Variants in RORA observed in about 807,000 individuals in gnomAD.
The protein encoded by RORA is nuclear receptor ROR-alpha.
A neutral mutation model predicts 69.5 loss-of-function variants in RORA; 7 were observed. The observed-to-expected ratio is 0.10, with a 90% CI of 0.06 to 0.19. RORA has a LOEUF of 0.19. RORA is among the 10% of genes least tolerant of loss of function. The pLI is 1.00. For missense variants in RORA, 457 were observed against 663.0 expected (o/e 0.69, Z 3.41); for synonymous variants, 261 against 240.8 (o/e 1.08, Z -0.78).
In RORA at chr15:61,170,445, G is replaced by A. The variant is rs563446031; in HGVS notation, c.166+58608C>T. Among the ~76,000 whole-genome samples the A allele has an allele frequency of 3.5e-4, 53 of 152,050 alleles. No homozygotes were observed. The South Asian group carries it at 9.6e-3, about 28-fold the overall frequency. On this transcript the variant is annotated intron_variant, in intron 1 of 10. Coordinates refer to ENST00000335670, the MANE Select transcript of RORA (RefSeq NM_134261.3). Reference sequence around the variant, plus strand: ...TTCTTTCACTCTGACTCTCCTGCCCGCCTCTTATAAGGACCTGTAATTACA... The same window carrying A: ...TTCTTTCACTCTGACTCTCCTGCCCACCTCTTATAAGGACCTGTAATTACA...
At chr15:60,613,313 G>C (rs926622443) in intron 2 of RORA, among the ~76,000 whole-genome samples, 1 of 151,994 alleles carries the variant, frequency 6.6e-6, no homozygotes, top group Non-Finnish European at 1.5e-5. Flanking sequence ...CCTTCTCTTT[G>C]TTACATTTTC....
At chr15:60,694,428 T>C in intron 1 of RORA, among the ~76,000 whole-genome samples, 1 of 152,224 alleles carries the variant, frequency 6.6e-6, no homozygotes, top group South Asian at 2.1e-4. Flanking sequence ...CTTGCAGCGT[T>C]AACTCTTTCA....
chr15:60,702,062 T>C (rs1009975479), intron 1 of RORA, among the ~76,000 whole-genome samples: 2 of 152,174 alleles, frequency 1.3e-5, no homozygotes, highest in African/African-American at 4.8e-5. Context: ...AGTTTAGGAT[T>C]ATAGCTGAGA....
At chr15:61,042,862 A>G (rs1896848123) in intron 1 of RORA, among the ~76,000 whole-genome samples, 1 of 152,226 alleles carries the variant, frequency 6.6e-6, no homozygotes, top group Admixed American at 6.5e-5. Context: ...GGAAATAGAA[A>G]CAGTAGCAAA....
chr15:61,121,694 T>C (rs955981610), intron 1 of RORA, among the ~76,000 whole-genome samples: 3 of 151,966 alleles, frequency 2.0e-5, no homozygotes, highest in Admixed American at 1.3e-4. Flanking sequence ...ATATTCTTCA[T>C]GAGCAGGTAA....
chr15:61,192,816 C>G (rs2079812844), intron 1 of RORA, among the ~76,000 whole-genome samples: 1 of 152,196 alleles, frequency 6.6e-6, no homozygotes, highest in South Asian at 2.1e-4. Flanking sequence ...CAGTGAGACC[C>G]TTAACATCTC....
intron 1 of RORA, among the ~76,000 whole-genome samples, chr15:61,033,726 T>C (rs555077824): frequency 9.2e-5 from 14 of 152,130 alleles, no homozygotes; most frequent in African/African-American, 2.9e-4. Context: ...GTAAAGTGCA[T>C]ACATACACCA....
chr15:60,805,753 G>T lies in RORA; in HGVS notation c.167-127067C>A, dbSNP rs184635998. ...AAAAAGAGCCTTGGATTCCAGTCCT[G>T]GTTTTGCCACTGGCCAGATGAGGCA... On this transcript the variant is annotated intron_variant, in intron 1 of 10. Transcript: ENST00000335670. 3.7e-3 allele frequency among the ~76,000 whole-genome samples: 566 copies of T among 152,278 alleles called. 5 individuals are homozygous for T. Among genetic ancestry groups the T allele is most frequent in the African/African-American group, 0.013 (541 of 41,552 alleles).
At chr15:60,630,063 A>G (rs2069699105) in intron 2 of RORA, among the ~76,000 whole-genome samples, 1 of 152,244 alleles carries the variant, frequency 6.6e-6, no homozygotes, top group Non-Finnish European at 1.5e-5. Context: ...AAAAATGGAC[A>G]GCCATCACAT....
intron 2 of RORA, among the ~76,000 whole-genome samples, chr15:60,625,278 T>G (rs1201554494): frequency 6.6e-6 from 1 of 152,196 alleles, no homozygotes; most frequent in South Asian, 2.1e-4. Context: ...CAAATCTTTT[T>G]TTTTGTTTTG....
chr15:61,090,527 G>A (rs2078690070), intron 1 of RORA, among the ~76,000 whole-genome samples: 1 of 152,174 alleles, frequency 6.6e-6, no homozygotes, highest in Admixed American at 6.5e-5. Flanking sequence ...GGGAATGCTT[G>A]CCCATTAACT....
intron 1 of RORA, among the ~76,000 whole-genome samples, chr15:60,679,522 G>A (rs2070609859): frequency 6.6e-6 from 1 of 152,098 alleles, no homozygotes; most frequent in Non-Finnish European, 1.5e-5. Context: ...CTTGGGAGAC[G>A]TTCTTGAGAC....
intron 1 of RORA, among the ~76,000 whole-genome samples, chr15:60,969,839 C>A (rs528202366): frequency 8.5e-5 from 13 of 152,306 alleles, no homozygotes; most frequent in African/African-American, 2.9e-4. Flanking sequence ...GTGTTCCCTT[C>A]CAAATTTATA....
intron 1 of RORA, among the ~76,000 whole-genome samples, chr15:61,217,999 T>C (rs889197991): frequency 6.6e-6 from 1 of 152,148 alleles, no homozygotes; most frequent in African/African-American, 2.4e-5. Flanking sequence ...TGCTGGGCCA[T>C]GGTCCCCCAG....
intron 1 of RORA, among the ~76,000 whole-genome samples, chr15:61,212,766 T>G (rs960944445): frequency 6.6e-6 from 1 of 152,110 alleles, no homozygotes; most frequent in Admixed American, 6.5e-5. Flanking sequence ...AGACTTTTCT[T>G]TGTCATCGTA....
At chr15:61,048,216 T>C (rs1897128569) in intron 1 of RORA, among the ~76,000 whole-genome samples, 1 of 152,206 alleles carries the variant, frequency 6.6e-6, no homozygotes, top group Admixed American at 6.5e-5. Context: ...GTGTTACTGA[T>C]GAAATTATAT....
chr15:61,074,784 GT>G (rs549197983), intron 1 of RORA, among the ~76,000 whole-genome samples: 33 of 152,272 alleles, frequency 2.2e-4, no homozygotes, highest in African/African-American at 7.9e-4. Flanking sequence ...GCCATGGGAT[GT>G]TTTAAAGTTT....
intron 2 of RORA, among the ~76,000 whole-genome samples, chr15:60,658,291 G>C (rs1325627336): frequency 6.6e-6 from 1 of 152,140 alleles, no homozygotes; most frequent in Non-Finnish European, 1.5e-5. Flanking sequence ...CTGACCTCAA[G>C]TGATCCGCCC....
chr15:60,949,694 G>A (rs956028469), intron 1 of RORA, among the ~76,000 whole-genome samples: 9 of 152,198 alleles, frequency 5.9e-5, no homozygotes, highest in Non-Finnish European at 1.3e-4. Flanking sequence ...CCATAGTGTG[G>A]TGTTAGAAAT....
Sources: gnomAD v4.1 joint callset for allele counts (sites outside exome capture counted in the v4.1 genomes callset) on GRCh38, gnomAD v4.1.1 for gene constraint, MANE v1.5 for transcripts, NCBI Gene and HGNC (gene_info 2026-07-23, HGNC 2026-07-21) for gene names.